Variants in C19orf47 observed in about 807,000 individuals in gnomAD.
C19orf47 encodes uncharacterized protein C19orf47.
In C19orf47, 18 loss-of-function variants were observed where a neutral mutation model predicts 32.3. That is an observed-to-expected ratio of 0.56 (90% CI 0.39 to 0.83). The LOEUF (loss-of-function observed/expected upper bound fraction) is 0.83, where lower values mean the gene tolerates loss of function less well. Among genes scored for constraint, C19orf47 ranks in the 40% least tolerant of loss-of-function variants. C19orf47 has a pLI of 0.00. For synonymous variants in C19orf47, 202 were observed against 211.1 expected (o/e 0.96, Z 0.37); for missense variants, 484 against 531.6 (o/e 0.91, Z 0.88).
chr19:40,336,062 C>T (rs1439845969), intron 4 of C19orf47, 48 bp downstream of exon 4: 2 of 1,562,348 alleles, frequency 1.3e-6, no homozygotes, highest in Admixed American at 1.7e-5. Flanking sequence ...ACTGACCCTC[C>T]ACCTCCATGC....
chr19:40,335,406 C>T (rs2078042180), intron 4 of C19orf47, among the ~76,000 whole-genome samples: 1 of 152,052 alleles, frequency 6.6e-6, no homozygotes, highest in Admixed American at 6.5e-5. Context: ...CAGAGGGACC[C>T]AAATACAGGC....
chr19:40,343,538 G>C (rs2078217846), intron 1 of C19orf47: 1 of 152,182 alleles, frequency 6.6e-6, no homozygotes, highest in African/African-American at 2.4e-5. Context: ...GACAGTGCTT[G>C]GTGCCTACTA....
the C19orf47 span, among the ~76,000 whole-genome samples, chr19:40,294,720 T>G: frequency 6.6e-6 from 1 of 152,204 alleles, no homozygotes; most frequent in East Asian, 1.9e-4. Flanking sequence ...CTCTGGCCTC[T>G]GCCAGCTGAG....
rs2077899086 is a variant in C19orf47, at chr19:40,329,250, G to A, written c.302-700C>T. Reference sequence around the variant, plus strand: ...AGGACAGGCACAAGGGCGCATGCCTGTAATCCCTGCACTTTGGGAGGCCTA... The same window carrying A: ...AGGACAGGCACAAGGGCGCATGCCTATAATCCCTGCACTTTGGGAGGCCTA... On this transcript the variant is annotated intron_variant, in intron 5 of 8. Coordinates refer to ENST00000683109, the MANE Select transcript of C19orf47 (RefSeq NM_001256441.2). Among the ~76,000 whole-genome samples, 4 of 152,252 alleles carry A rather than the reference G, an allele frequency of 2.6e-5. No individual in the cohort carries two copies. In the South Asian group the frequency reaches 8.3e-4, roughly 32 times the overall value.
chr19:40,337,030 G>C (rs2078079226), intron 2 of C19orf47, among the ~76,000 whole-genome samples: 1 of 152,132 alleles, frequency 6.6e-6, no homozygotes, highest in South Asian at 2.1e-4. Flanking sequence ...TTAACTCTTG[G>C]TGCCTTGGTT....
the C19orf47 span, among the ~76,000 whole-genome samples, chr19:40,294,627 G>T: frequency 6.6e-6 from 1 of 152,130 alleles, no homozygotes; most frequent in African/African-American, 2.4e-5. Context: ...TTTGCTGTGG[G>T]TCCCCAAGAC....
intron 1 of C19orf47, among the ~76,000 whole-genome samples, chr19:40,343,179 ACT>A (rs1313381083): frequency 6.6e-6 from 1 of 151,056 alleles, no homozygotes; most frequent in Non-Finnish European, 1.5e-5. Flanking sequence ...CTCTTCCCTC[ACT>A]CTGTTCCCTT....
downstream of C19orf47, among the ~76,000 whole-genome samples, chr19:40,318,613 G>A (rs549660005): frequency 4.6e-5 from 7 of 152,266 alleles, no homozygotes; most frequent in African/African-American, 1.7e-4. Flanking sequence ...GGGAAAGTGC[G>A]CATGTGTGAG....
chr19:40,335,059 A>AG (rs2078035617), intron 4 of C19orf47, among the ~76,000 whole-genome samples: 2 of 94,724 alleles, frequency 2.1e-5, no homozygotes, highest in African/African-American at 4.1e-5. Flanking sequence ...GGAGGGAGGG[A>AG]GGAAGGGAGG....
the C19orf47 span, among the ~76,000 whole-genome samples, chr19:40,314,513 G>A: frequency 6.6e-6 from 1 of 152,204 alleles, no homozygotes; most frequent in Admixed American, 6.5e-5. Flanking sequence ...TCAGACTAAT[G>A]TGAGTGACAA....
In C19orf47 at chr19:40,321,829, G is replaced by A. The variant is rs1012802470; in HGVS notation, c.*53C>T. On this transcript the variant is annotated 3_prime_UTR_variant, in exon 9 of 9. Coordinates refer to ENST00000683109, the MANE Select transcript of C19orf47 (RefSeq NM_001256441.2). ...CGTGATGAAGCCAGGAGCCTGGGGC[G>A]GCCAGGGCAGATGCCCGCAGGCTCT... is the stretch of plus-strand genomic sequence containing the variant. 1.2e-5 allele frequency: 17 copies of A among 1,472,964 alleles called. No individual in the cohort carries two copies. Among genetic ancestry groups the A allele is most frequent in the African/African-American group, 7.1e-5 (5 of 70,426 alleles). 91.2% of individuals were successfully genotyped at this position (1,472,964 alleles called of 1,614,324 possible). A position where few individuals can be genotyped will look rare whatever the true frequency, so the allele number is the denominator to read the frequency against.
chr19:40,329,468 T>C lies in C19orf47; in HGVS notation c.302-918A>G, dbSNP rs560869271. Among the ~76,000 whole-genome samples, 17 of 152,224 alleles carry C rather than the reference T, an allele frequency of 1.1e-4. No individual in the cohort carries two copies. The East Asian group carries it at 3.1e-3, about 28-fold the overall frequency. ...CTGCAGTGAGCTGTGATCGCACTAC[T>C]GCACTCCAGCCTGGGCAACAGAGTG... On this transcript the variant is annotated intron_variant, in intron 5 of 8. Coordinates refer to ENST00000683109, the MANE Select transcript of C19orf47 (RefSeq NM_001256441.2).
At chr19:40,343,641 C>T (rs2078219543) in intron 1 of C19orf47, 1 of 152,250 alleles carries the variant, frequency 6.6e-6, no homozygotes, top group Non-Finnish European at 1.5e-5. Flanking sequence ...GAGGATGTCA[C>T]CTGTGCCTGG....
In C19orf47 at chr19:40,347,726, C is replaced by G. The variant is rs903031821; in HGVS notation, c.-34+598G>C. 3.3e-5 allele frequency among the ~76,000 whole-genome samples: 5 copies of G among 152,282 alleles called. No individual in the cohort carries two copies. The South Asian group carries it at 1.0e-3, about 32-fold the overall frequency. On this transcript the variant is annotated intron_variant, in intron 1 of 8. Coordinates refer to ENST00000683109, the MANE Select transcript of C19orf47 (RefSeq NM_001256441.2). ...AATTCTAAGTTTTTCCTATTGCTGT[C>G]TCTGAGCTTTCTCCCCCAGCTTCCC...
At chr19:40,300,242 G>C in the C19orf47 span, among the ~76,000 whole-genome samples, 3 of 151,864 alleles carry the variant, frequency 2.0e-5, no homozygotes, top group Non-Finnish European at 2.9e-5. Flanking sequence ...CAGGGCAGGT[G>C]GATCACGAGG....
rs377741495 is a variant in C19orf47 at position 40,331,385 on chromosome 19, C to T, written c.301+2466G>A. On this transcript the variant is annotated intron_variant, in intron 5 of 8. Transcript: ENST00000683109. Reference sequence around the variant, plus strand: ...AGATATGTGAATGCGGCCGTCAACCCGGCTTCAACCTAGCTGCCAGGTGAC... The same window carrying T: ...AGATATGTGAATGCGGCCGTCAACCTGGCTTCAACCTAGCTGCCAGGTGAC... Among the ~76,000 whole-genome samples the T allele has an allele frequency of 4.6e-5, 7 of 152,334 alleles. No individual in the cohort carries two copies. In the East Asian group the frequency reaches 7.7e-4, roughly 17 times the overall value.
At chr19:40,335,042 G>GAGGA (rs1309845801) in intron 4 of C19orf47, 1 of 129,166 alleles carries the variant, frequency 7.7e-6, no homozygotes, top group African/African-American at 3.3e-5. Context: ...GGGAAGGAGG[G>GAGGA]AGGGAGGGAG....
chr19:40,296,298 T>C, the C19orf47 span, among the ~76,000 whole-genome samples: 1 of 152,126 alleles, frequency 6.6e-6, no homozygotes, highest in African/African-American at 2.4e-5. Context: ...TTTTATTTTT[T>C]TGAGACCAAG....
At chr19:40,303,660 CG>C in the C19orf47 span, among the ~76,000 whole-genome samples, 4 of 150,044 alleles carry the variant, frequency 2.7e-5, no homozygotes. Flanking sequence ...AAAAATTAGC[CG>C]GGCGTGGTGG....
Sources: allele counts gnomAD v4.1 joint callset (sites outside exome capture counted in the v4.1 genomes callset), GRCh38; gene constraint gnomAD v4.1.1; transcripts MANE v1.5; gene names NCBI Gene and HGNC (gene_info 2026-07-23, HGNC 2026-07-21).